The following ENPP1 variants were observed in gnomAD, a reference collection of about 807,000 sequenced individuals.
ENPP1 encodes ectonucleotide pyrophosphatase/phosphodiesterase family member 1.
A neutral mutation model predicts 122.8 loss-of-function variants in ENPP1; 73 were observed. The ratio of observed to expected loss-of-function variants is 0.59; its 90% CI spans 0.49 to 0.72. The LOEUF (loss-of-function observed/expected upper bound fraction) is 0.72, where lower values mean the gene tolerates loss of function less well. Among genes scored for constraint, ENPP1 ranks in the 30% least tolerant of loss-of-function variants. The pLI is 0.00. For missense variants in ENPP1, 978 were observed against 1,128.1 expected, an observed-to-expected ratio of 0.87 and a Z score of 1.91; for synonymous variants, 367 against 391.6, an observed-to-expected ratio of 0.94 and a Z score of 0.74.
chr6:131,889,805 C>T lies in ENPP1; in HGVS notation c.2608-536C>T, dbSNP rs574642901. ...ATTTATATTCCTGTGGGTATGTACCCAGTAATGGGATTGCTGGGTCCAGTG... is the reference window on the plus strand; with the variant it reads ...ATTTATATTCCTGTGGGTATGTACCTAGTAATGGGATTGCTGGGTCCAGTG... On this transcript the variant is annotated intron_variant, in intron 24 of 24. Coordinates refer to ENST00000647893, the MANE Select transcript of ENPP1 (RefSeq NM_006208.3). Among the ~76,000 whole-genome samples, 83 of 152,252 alleles carry T rather than the reference C, an allele frequency of 5.5e-4. No individual in the cohort carries two copies. The Middle Eastern group carries it at 0.01, about 19-fold the overall frequency.
At position 131,830,649 on chromosome 6, in the gene ENPP1, T is replaced by A. The variant is rs945273396; in HGVS notation, c.241-17127T>A. Among the ~76,000 whole-genome samples the A allele has an allele frequency of 4.1e-4, 62 of 152,356 alleles. No homozygotes were observed. The Middle Eastern group carries it at 0.01, about 25-fold the overall frequency. On this transcript the variant is annotated intron_variant, in intron 1 of 24. Transcript: ENST00000647893. ...ATATTTCCATGTCCCAGCCTGTTGA[T>A]CTACCTAAATTAAAATATGTATATT...
At chr6:131,842,301 T>G (rs1781751599) in intron 1 of ENPP1, among the ~76,000 whole-genome samples, 2 of 152,186 alleles carry the variant, frequency 1.3e-5, no homozygotes, top group Non-Finnish European at 2.9e-5. Context: ...CAGGCTGGTG[T>G]TGTCTTTCCT....
chr6:131,839,522 T>C (rs1354138689), intron 1 of ENPP1, among the ~76,000 whole-genome samples: 4 of 152,206 alleles, frequency 2.6e-5, no homozygotes, highest in Non-Finnish European at 4.4e-5. Flanking sequence ...AATGCCAGAA[T>C]GAGGAAGAGT....
At chr6:131,848,084 C>T (rs1585813459) in intron 2 of ENPP1, among the ~76,000 whole-genome samples, 1 of 152,232 alleles carries the variant, frequency 6.6e-6, no homozygotes, top group East Asian at 1.9e-4. Context: ...TGTCCTGGAG[C>T]CCATGCTCCC....
At chr6:131,847,672 C>A (rs1781826179) in intron 1 of ENPP1, 104 bp from the exon 2 acceptor site, 1 of 821,800 alleles carries the variant, frequency 1.2e-6, no homozygotes, top group East Asian at 2.7e-5. Context: ...TGCCACTGTA[C>A]CCTAGCCTGG....
chr6:131,870,535 G>A (rs1018522906), intron 13 of ENPP1, among the ~76,000 whole-genome samples: 2 of 152,174 alleles, frequency 1.3e-5, no homozygotes, highest in South Asian at 2.1e-4. Context: ...GAAACAGAAA[G>A]AGAATAAGCT....
intron 20 of ENPP1, among the ~76,000 whole-genome samples, chr6:131,882,053 AT>A (rs1401260706): frequency 1.3e-5 from 2 of 150,468 alleles, no homozygotes; most frequent in African/African-American, 5.0e-5. Context: ...AAATAAATAA[AT>A]AAATATTTAA....
At chr6:131,826,064 A>G (rs1479354497) in intron 1 of ENPP1, 15 of 771,842 alleles carry the variant, frequency 1.9e-5, no homozygotes, top group Admixed American at 1.0e-4. Flanking sequence ...ACAATCAGAC[A>G]GCTCTGCTTT....
intron 19 of ENPP1, among the ~76,000 whole-genome samples, chr6:131,879,411 C>G (rs1010568348): frequency 7.5e-6 from 1 of 133,842 alleles, no homozygotes; most frequent in African/African-American, 3.9e-5. Flanking sequence ...ATGATGTGTA[C>G]CAAGCCCTTG....
At chr6:131,834,884 G>C (rs927149907) in intron 1 of ENPP1, among the ~76,000 whole-genome samples, 1 of 152,044 alleles carries the variant, frequency 6.6e-6, no homozygotes, top group Non-Finnish European at 1.5e-5. Context: ...AAGAGAAGAG[G>C]GTACAGGATG....
At chr6:131,878,402 A>AG (rs1782262579) in intron 18 of ENPP1, 140 bp from the exon 19 acceptor site, 2 of 694,430 alleles carry the variant, frequency 2.9e-6, no homozygotes, top group South Asian at 3.1e-5. Context: ...GCCTTGAAAG[A>AG]GAAAAAAAAA....
At chr6:131,811,620 A>G (rs534768635) in intron 1 of ENPP1, among the ~76,000 whole-genome samples, 4 of 152,250 alleles carry the variant, frequency 2.6e-5, no homozygotes, top group African/African-American at 9.6e-5. Flanking sequence ...TTGGTTGGCT[A>G]TACATTGTTC....
intron 3 of ENPP1, 86 bp downstream of exon 3, chr6:131,850,192 C>A: frequency 1.0e-6 from 1 of 952,972 alleles, no homozygotes; most frequent in Non-Finnish European, 1.7e-6. Flanking sequence ...ATGTGATTTA[C>A]CTAATTCATT....
intron 3 of ENPP1, among the ~76,000 whole-genome samples, chr6:131,850,718 A>G (rs949388534): frequency 2.6e-5 from 4 of 152,086 alleles, no homozygotes; most frequent in African/African-American, 9.7e-5. Flanking sequence ...ACAGGCTCAC[A>G]CCATTATGCC....
chr6:131,859,524 T>A (rs938009285), intron 7 of ENPP1, among the ~76,000 whole-genome samples: 1 of 152,022 alleles, frequency 6.6e-6, no homozygotes, highest in Admixed American at 6.6e-5. Flanking sequence ...TAGCTGGGAC[T>A]ACAGGTGCAC....
intron 1 of ENPP1, among the ~76,000 whole-genome samples, chr6:131,811,526 C>T (rs1781354551): frequency 6.6e-6 from 1 of 151,986 alleles, no homozygotes; most frequent in African/African-American, 2.4e-5. Flanking sequence ...CTATTAGCAG[C>T]AGTTACAAAT....
Position 131,847,811 on chromosome 6 carries a change from T to C in ENPP1, c.276T>C (p.Gly92=), listed in dbSNP as rs1238092630. ...LSVCVLTTIL[G]CIFGLKPSCA... is the part of the protein sequence containing the mutation. Reference sequence around the variant, plus strand: ...TATGTGTGTTAACAACAATACTTGGTTGTATATTTGGGTTGAAACCAAGCT... The same window carrying C: ...TATGTGTGTTAACAACAATACTTGGCTGTATATTTGGGTTGAAACCAAGCT... The change falls in exon 2 of 25, where the codon GGT becomes GGC. Residue 92 remains glycine, a synonymous_variant. Transcript: ENST00000647893. 6.2e-7 allele frequency: 1 copy of C among 1,612,192 alleles called. No individual in the cohort carries two copies. Among genetic ancestry groups the C allele is most frequent in the Non-Finnish European group, 8.5e-7 (1 of 1,179,562 alleles).
At chr6:131,854,596 A>G (rs1008089255) in intron 5 of ENPP1, among the ~76,000 whole-genome samples, 1 of 152,122 alleles carries the variant, frequency 6.6e-6, no homozygotes, top group Non-Finnish European at 1.5e-5. Flanking sequence ...AAACAATATT[A>G]TATTTTAGTA....
intron 1 of ENPP1, among the ~76,000 whole-genome samples, chr6:131,831,870 T>C (rs751374688): frequency 6.6e-5 from 10 of 152,214 alleles, no homozygotes; most frequent in Non-Finnish European, 1.3e-4. Context: ...GAGAGTTACA[T>C]TCCACCTCCT....
Sources: gnomAD v4.1 joint callset for allele counts (sites outside exome capture counted in the v4.1 genomes callset) on GRCh38, gnomAD v4.1.1 for gene constraint, MANE v1.5 for transcripts, NCBI Gene and HGNC (gene_info 2026-07-23, HGNC 2026-07-21) for gene names.